Variants in PTPRN2 observed in about 807,000 individuals in gnomAD.
PTPRN2 encodes receptor-type tyrosine-protein phosphatase N2.
In PTPRN2, 74 loss-of-function variants were observed where a neutral mutation model predicts 118.8. The ratio of observed to expected loss-of-function variants is 0.62; its 90% confidence interval spans 0.52 to 0.76. The LOEUF (loss-of-function observed/expected upper bound fraction) is 0.76. Among genes scored for constraint, PTPRN2 ranks in the 30% least tolerant of loss-of-function variants. The pLI is 0.00. For missense variants in PTPRN2, 1,481 were observed against 1,394.4 expected (o/e 1.06, Z -0.99); for synonymous variants, 641 against 608.0 (o/e 1.05, Z -0.80).
chr7:158,157,685 G>C (rs971899438), intron 6 of PTPRN2, among the ~76,000 whole-genome samples: 2 of 152,220 alleles, frequency 1.3e-5, no homozygotes, highest in Non-Finnish European at 2.9e-5. Context: ...TGCTGAGCAG[G>C]TGGGTGTGTC....
Position 157,615,958 on chromosome 7 carries a change from A to T in PTPRN2, c.2344+5404T>A, listed in dbSNP as rs1010294344. ...GGATGAACGTAACTTCTGGTGGATA[A>T]AGTGGGAGGCCTGATCCAGGAAGAA... is the stretch of plus-strand genomic sequence containing the variant. On this transcript the variant is annotated intron_variant, in intron 15 of 22. Transcript: ENST00000389418. The surrounding 1 kb of genome is among the most constrained non-coding windows in gnomAD (Gnocchi z 4.3). 2.7e-5 allele frequency: 7 copies of T among 261,334 alleles called. No homozygotes were observed. In the South Asian group the frequency reaches 3.0e-4, roughly 11 times the overall value. The allele number at this position is 261,334 out of a possible 1,614,324, so 16.2% of individuals were successfully genotyped here. A position where few individuals can be genotyped will look rare whatever the true frequency, so the allele number is the denominator to read the frequency against.
In PTPRN2 at chr7:158,157,692, T is replaced by C. The variant is rs1187650941; in HGVS notation, c.910+9239A>G. Among the ~76,000 whole-genome samples, 6 of 152,282 alleles carry C rather than the reference T, an allele frequency of 3.9e-5. No individual in the cohort carries two copies. In the East Asian group the frequency reaches 1.2e-3, roughly 29 times the overall value. On this transcript the variant is annotated intron_variant, in intron 6 of 22. Transcript: ENST00000389418. ...GTCAGGGTTGCTGAGCAGGTGGGTG[T>C]GTCCTCAAGGTGCAGTGAGACGAAC...
In PTPRN2 at chr7:157,929,809, C is replaced by A. The variant is rs1408577340; in HGVS notation, c.1724-31072G>T. 6.6e-6 allele frequency among the ~76,000 whole-genome samples: 1 copy of A among 151,910 alleles called. No homozygotes were observed. Among genetic ancestry groups the A allele is most frequent in the Non-Finnish European group, 1.5e-5 (1 of 67,916 alleles). ...GTGCCCTGTAATGCAGAACCTTTCC[C>A]AGTGCCCACTGGTGGTGTTCCCGGG... On this transcript the variant is annotated intron_variant, in intron 11 of 22. Coordinates refer to ENST00000389418, the MANE Select transcript of PTPRN2 (RefSeq NM_002847.5). The surrounding 1 kb of genome is among the most constrained non-coding windows in gnomAD (Gnocchi z 4.4).
At chr7:158,421,994 C>T (rs1206648253) in intron 2 of PTPRN2, among the ~76,000 whole-genome samples, 1 of 152,174 alleles carries the variant, frequency 6.6e-6, no homozygotes, top group Non-Finnish European at 1.5e-5. Context: ...GACCAAGTTA[C>T]TGATGAGGGA....
intron 17 of PTPRN2, among the ~76,000 whole-genome samples, chr7:157,589,594 C>G (rs1800871271): frequency 6.6e-6 from 1 of 152,162 alleles, no homozygotes; most frequent in South Asian, 2.1e-4. Flanking sequence ...TGACAGCAAC[C>G]AGAGCTCAAC....
chr7:158,409,951 A>G (rs573184812), intron 2 of PTPRN2, among the ~76,000 whole-genome samples: 1 of 152,348 alleles, frequency 6.6e-6, no homozygotes, highest in South Asian at 2.1e-4. Context: ...AGTTTTCTGA[A>G]AACTTGAGAA....
Position 157,674,888 on chromosome 7 carries a change from C to G in PTPRN2, c.2001+7837G>C, listed in dbSNP as rs933209667. On this transcript the variant is annotated intron_variant, in intron 13 of 22. Coordinates refer to ENST00000389418, the MANE Select transcript of PTPRN2 (RefSeq NM_002847.5). The surrounding 1 kb of genome is among the most constrained non-coding windows in gnomAD (Gnocchi z 4.5). ...GGTGGGGGAGGCTCCAGGAGCTACC[C>G]GAGGCTTCTTCTCCTTGCCAACAAC... is the stretch of plus-strand genomic sequence containing the variant. 6.6e-6 allele frequency among the ~76,000 whole-genome samples: 1 copy of G among 152,166 alleles called. No individual in the cohort carries two copies. The highest frequency in any genetic ancestry group is 1.5e-5 in the Non-Finnish European group (1 of 68,018).
chr7:158,562,793 T>C (rs1827466651), intron 1 of PTPRN2, among the ~76,000 whole-genome samples: 1 of 152,074 alleles, frequency 6.6e-6, no homozygotes, highest in South Asian at 2.1e-4. Flanking sequence ...CACGTCAGGA[T>C]CAATGACGCT....
intron 12 of PTPRN2, among the ~76,000 whole-genome samples, chr7:157,772,066 A>C (rs997535298): frequency 6.6e-6 from 1 of 151,150 alleles, no homozygotes; most frequent in Non-Finnish European, 1.5e-5. Flanking sequence ...ATACACACAG[A>C]TACACACACA....
chr7:157,690,937 G>C lies in PTPRN2; in HGVS notation c.1789-8000C>G, dbSNP rs1177714393. Among the ~76,000 whole-genome samples the C allele has an allele frequency of 1.4e-5, 2 of 145,654 alleles. No individual in the cohort carries two copies. Among genetic ancestry groups the C allele is most frequent in the African/African-American group, 4.9e-5 (2 of 40,594 alleles). ...CTCAGGGCGGGCTCCGGACGGTCCC[G>C]GTAGGGCCGCCGGCCGCGCGCGTAG... On this transcript the variant is annotated intron_variant, in intron 12 of 22. Transcript: ENST00000389418. This position sits in a 1 kb window ranked among gnomAD's most constrained non-coding sequence, Gnocchi z 7.1.
intron 11 of PTPRN2, among the ~76,000 whole-genome samples, chr7:157,915,939 C>T (rs1415319043): frequency 4.6e-5 from 7 of 152,184 alleles, no homozygotes; most frequent in Non-Finnish European, 1.0e-4. Context: ...TAAGAAATCT[C>T]TGCCCCGCCC....
Position 157,587,477 on chromosome 7 carries a change from C to T in PTPRN2, c.2496+7761G>A, listed in dbSNP as rs1378826007. ...TAACCATAGTAAGAACTATGATCTACAGATGCCAAATAATAAAAAGCTGTA... is the reference window on the plus strand; with the variant it reads ...TAACCATAGTAAGAACTATGATCTATAGATGCCAAATAATAAAAAGCTGTA... On this transcript the variant is annotated intron_variant, in intron 17 of 22. Transcript: ENST00000389418. This position sits in a 1 kb window ranked among gnomAD's most constrained non-coding sequence, Gnocchi z 5.3. Among the ~76,000 whole-genome samples the T allele has an allele frequency of 6.6e-6, 1 of 152,200 alleles. No homozygotes were observed. Among genetic ancestry groups the T allele is most frequent in the Non-Finnish European group, 1.5e-5 (1 of 68,028 alleles).
At chr7:158,379,861 G>A (rs1317485539) in intron 2 of PTPRN2, among the ~76,000 whole-genome samples, 1 of 152,176 alleles carries the variant, frequency 6.6e-6, no homozygotes, top group Admixed American at 6.5e-5. Flanking sequence ...ACATGGCTGG[G>A]GGGGCCTCAC....
At position 157,741,624 on chromosome 7, in the gene PTPRN2, G is replaced by A. The variant is rs547083710; in HGVS notation, c.1789-58687C>T. Reference sequence around the variant, plus strand: ...AGACCCGTCCACATGACCCATGCACGATTCAGTGGCTCTCCTCCCTCTGGG... The same window carrying A: ...AGACCCGTCCACATGACCCATGCACAATTCAGTGGCTCTCCTCCCTCTGGG... On this transcript the variant is annotated intron_variant, in intron 12 of 22. Coordinates refer to ENST00000389418, the MANE Select transcript of PTPRN2 (RefSeq NM_002847.5). 6.6e-5 allele frequency among the ~76,000 whole-genome samples: 10 copies of A among 152,318 alleles called. No individual in the cohort carries two copies. The East Asian group carries it at 1.5e-3, about 24-fold the overall frequency.
rs56906268 is a variant in PTPRN2, at chr7:158,515,187, A to ATT, written c.113-25404_113-25403dup. ...CTGGTGTTTCCCTCTCAGTGAGTGT[A>ATT]TTTTTTTTTTTTTTTTGAGGCAGTG... On this transcript the variant is annotated intron_variant, in intron 1 of 22. Coordinates refer to ENST00000389418, the MANE Select transcript of PTPRN2 (RefSeq NM_002847.5). Among the ~76,000 whole-genome samples, 1,183 of 139,168 alleles carry ATT rather than the reference A, an allele frequency of 8.5e-3. 6 individuals carry two copies. The highest frequency in any genetic ancestry group is 0.025 in the East Asian group (116 of 4,706). 91.3% of individuals were successfully genotyped at this position (139,168 alleles called of 152,430 possible). A position where few individuals can be genotyped will look rare whatever the true frequency, so the allele number is the denominator to read the frequency against.
At chr7:157,697,578 G>A (rs1425881632) in intron 12 of PTPRN2, among the ~76,000 whole-genome samples, 82 of 95,060 alleles carry the variant, frequency 8.6e-4, no homozygotes, top group African/African-American at 1.3e-3. Context: ...ACTGGGTCTT[G>A]GCAGAGCCCT....
At chr7:158,409,056 T>C (rs757348096) in intron 2 of PTPRN2, among the ~76,000 whole-genome samples, 14 of 152,198 alleles carry the variant, frequency 9.2e-5, no homozygotes, top group Non-Finnish European at 1.5e-4. Flanking sequence ...CTCAGTGCTT[T>C]ATGTACACAA....
intron 1 of PTPRN2, among the ~76,000 whole-genome samples, chr7:158,519,192 C>T (rs1318947687): frequency 6.6e-6 from 1 of 152,136 alleles, no homozygotes; most frequent in Non-Finnish European, 1.5e-5. Flanking sequence ...TCATTTCAAA[C>T]TTTGGGGCTA....
At chr7:157,768,395 G>C (rs1802608460) in intron 12 of PTPRN2, among the ~76,000 whole-genome samples, 1 of 152,222 alleles carries the variant, frequency 6.6e-6, no homozygotes, top group African/African-American at 2.4e-5. Context: ...CTCAGGCTTT[G>C]CTTTGGGGCC....
Sources: allele counts gnomAD v4.1 joint callset (sites outside exome capture counted in the v4.1 genomes callset), GRCh38; gene constraint gnomAD v4.1.1; non-coding constraint Gnocchi (gnomAD v3.1); transcripts MANE v1.5; gene names NCBI Gene and HGNC (gene_info 2026-07-23, HGNC 2026-07-21).